NEDD4L: variants seen among roughly 807,000 people sequenced by gnomAD.
The protein encoded by NEDD4L is E3 ubiquitin-protein ligase NEDD4-like.
In NEDD4L, 54 loss-of-function variants were observed where a neutral mutation model predicts 148.9. The ratio of observed to expected loss-of-function variants is 0.36; its 90% CI spans 0.29 to 0.45. The LOEUF (loss-of-function observed/expected upper bound fraction) is 0.45, where lower values mean the gene tolerates loss of function less well. Among genes scored for constraint, NEDD4L ranks in the 20% least tolerant of loss-of-function variants. The pLI, the probability that NEDD4L is intolerant of heterozygous loss-of-function variation, is 1.00. For missense variants in NEDD4L, 856 were observed against 1,233.8 expected, an observed-to-expected ratio of 0.69 and a Z score of 4.59; for synonymous variants, 433 against 440.7, an observed-to-expected ratio of 0.98 and a Z score of 0.22.
intron 7 of NEDD4L, among the ~76,000 whole-genome samples, chr18:58,322,954 G>A (rs1239419956): frequency 1.1e-5 from 1 of 92,570 alleles, no homozygotes; most frequent in Non-Finnish European, 2.1e-5. Flanking sequence ...CCTGCCCTGC[G>A]TGCCGTGGGT....
chr18:58,377,282 C>CA (rs1231959947), intron 24 of NEDD4L, among the ~76,000 whole-genome samples: 1 of 152,214 alleles, frequency 6.6e-6, no homozygotes, highest in Non-Finnish European at 1.5e-5. Context: ...GAAGAAAGCC[C>CA]ATTCCTCCCC....
chr18:58,268,201 T>C (rs2050504206), intron 5 of NEDD4L, among the ~76,000 whole-genome samples: 1 of 151,936 alleles, frequency 6.6e-6, no homozygotes, highest in African/African-American at 2.4e-5. Context: ...GGTATGGTGG[T>C]CAATCAGGTT....
intron 5 of NEDD4L, among the ~76,000 whole-genome samples, chr18:58,267,612 C>T (rs186616639): frequency 3.3e-4 from 50 of 152,124 alleles, no homozygotes; most frequent in Admixed American, 4.6e-4. Context: ...TAGTCTCCCC[C>T]TTAGTACTTA....
chr18:58,323,673 A>G (rs1416749348), intron 8 of NEDD4L, among the ~76,000 whole-genome samples: 1 of 152,158 alleles, frequency 6.6e-6, no homozygotes, highest in African/African-American at 2.4e-5. Flanking sequence ...CTTTTTAGCC[A>G]TTGAGGTCGC....
intron 1 of NEDD4L, among the ~76,000 whole-genome samples, chr18:58,151,088 GCCTT>G (rs2034670416): frequency 6.6e-6 from 1 of 152,214 alleles, no homozygotes. Context: ...GTGATTAACA[GCCTT>G]GACTTTTTGG....
At chr18:58,351,476 T>C (rs1262964277) in intron 18 of NEDD4L, among the ~76,000 whole-genome samples, 1 of 152,260 alleles carries the variant, frequency 6.6e-6, no homozygotes, top group Admixed American at 6.5e-5. Flanking sequence ...GGATGCCCGC[T>C]CTGACCTTAT....
chr18:58,266,263 A>T (rs1280845827), intron 5 of NEDD4L, among the ~76,000 whole-genome samples: 2 of 152,144 alleles, frequency 1.3e-5, no homozygotes, highest in African/African-American at 4.8e-5. Flanking sequence ...TAGAAAAAGC[A>T]GTGAAAATTG....
intron 1 of NEDD4L, among the ~76,000 whole-genome samples, chr18:58,082,102 A>ATATATATATTTTTTTTTTTTTTT: frequency 4.1e-5 from 2 of 48,832 alleles, no homozygotes; most frequent in African/African-American, 2.6e-4. Flanking sequence ...ATATATATAT[A>ATATATATATTTTTTTTTTTTTTT]TTTTTTTTTT....
At chr18:58,218,338 A>G (rs1022774302) in intron 2 of NEDD4L, among the ~76,000 whole-genome samples, 2 of 152,232 alleles carry the variant, frequency 1.3e-5, no homozygotes, top group African/African-American at 4.8e-5. Context: ...GGTGCCAACC[A>G]ACAATGGCTT....
chr18:58,246,507 C>G (rs1177540116), intron 3 of NEDD4L, among the ~76,000 whole-genome samples: 2 of 152,154 alleles, frequency 1.3e-5, no homozygotes, highest in Non-Finnish European at 2.9e-5. Flanking sequence ...TCTGTCCACC[C>G]AAGCTGGAGT....
intron 13 of NEDD4L, among the ~76,000 whole-genome samples, chr18:58,338,964 A>G (rs1219364180): frequency 1.3e-5 from 2 of 152,226 alleles, no homozygotes; most frequent in African/African-American, 4.8e-5. Context: ...ATACAGCTTT[A>G]GGATTCAGTT....
At chr18:58,293,143 CAGAGCAAACTTGGTTGGTGAGTAGCTGCT>C (rs1194659283) in intron 5 of NEDD4L, among the ~76,000 whole-genome samples, 1 of 152,328 alleles carries the variant, frequency 6.6e-6, no homozygotes, top group South Asian at 2.1e-4. Context: ...TTGTATAATA[CAGAGCAAACTTGGTTGGTGAGTAGCTGCT>C]AGAGCAAACT....
In NEDD4L at chr18:58,330,806, A is replaced by G. The variant is rs777218272; in HGVS notation, c.882A>G (p.Pro294=). Residue 294 remains proline (P), a synonymous_variant, in exon 11 of 31, where the codon CCA becomes CCG. Coordinates refer to ENST00000400345, the MANE Select transcript of NEDD4L (RefSeq NM_001144967.3). ...GDSLGLALPP[P]PASPGSRTSP... is the part of the protein sequence containing the mutation. ...CTCTCGGTCTGGCTCTGCCCCCACC[A>G]CCGGCCTCCCCAGGATCTCGGACCA... is the stretch of plus-strand genomic sequence containing the variant. The G allele has an allele frequency of 5.0e-6, 8 of 1,613,610 alleles. No homozygotes were observed. In the South Asian group the frequency reaches 8.8e-5, roughly 18 times the overall value.
chr18:58,071,539 T>C (rs1461781802), intron 1 of NEDD4L, among the ~76,000 whole-genome samples: 2 of 151,876 alleles, frequency 1.3e-5, no homozygotes, highest in Non-Finnish European at 2.9e-5. Context: ...AATAGAAAAA[T>C]GAACAAAGCC....
intron 2 of NEDD4L, among the ~76,000 whole-genome samples, chr18:58,192,014 T>G (rs2040174516): frequency 6.6e-6 from 1 of 152,058 alleles, no homozygotes; most frequent in Non-Finnish European, 1.5e-5. Context: ...CTACAAAAAA[T>G]ACAAAAATTA....
At chr18:58,249,282 G>A (rs1207487688) in intron 4 of NEDD4L, among the ~76,000 whole-genome samples, 2 of 152,142 alleles carry the variant, frequency 1.3e-5, no homozygotes, top group Non-Finnish European at 2.9e-5. Flanking sequence ...TTTAGAGAGA[G>A]TAAAACAGTA....
chr18:58,304,176 T>C (rs1247403913), intron 5 of NEDD4L, among the ~76,000 whole-genome samples: 1 of 152,076 alleles, frequency 6.6e-6, no homozygotes, highest in Non-Finnish European at 1.5e-5. Flanking sequence ...GAAAGAATTA[T>C]CTAGCTCCAA....
At chr18:58,293,074 G>A (rs1262956349) in intron 5 of NEDD4L, among the ~76,000 whole-genome samples, 2 of 152,208 alleles carry the variant, frequency 1.3e-5, no homozygotes, top group South Asian at 2.1e-4. Context: ...ATCCAACTTC[G>A]TAATGTCCAG....
intron 1 of NEDD4L, among the ~76,000 whole-genome samples, chr18:58,102,550 C>T (rs2084819976): frequency 6.6e-6 from 1 of 152,108 alleles, no homozygotes; most frequent in South Asian, 2.1e-4. Context: ...CAGTTAACCC[C>T]CACCCCCATC....
Sources: gnomAD v4.1 joint callset for allele counts (sites outside exome capture counted in the v4.1 genomes callset) on GRCh38, gnomAD v4.1.1 for gene constraint, MANE v1.5 for transcripts, NCBI Gene and HGNC (gene_info 2026-07-23, HGNC 2026-07-21) for gene names.